Variants in TSHZ2 observed in about 807,000 individuals in gnomAD.
TSHZ2 encodes teashirt homolog 2.
TSHZ2 carries 21 observed loss-of-function variants against 74.4 expected under a neutral mutation model. The ratio of observed to expected loss-of-function variants is 0.28; its 90% confidence interval spans 0.20 to 0.41. TSHZ2 has a LOEUF of 0.41. TSHZ2 is among the 10% of genes least tolerant of loss of function. The pLI, the probability that TSHZ2 is intolerant of heterozygous loss-of-function variation, is 1.00. For synonymous variants in TSHZ2, 540 were observed against 515.3 expected (o/e 1.05, Z -0.65); for missense variants, 1,244 against 1,293.5 (o/e 0.96, Z 0.59).
At chr20:52,998,681 G>A (rs148514492) in intron 1 of TSHZ2, among the ~76,000 whole-genome samples, 3 of 152,166 alleles carry the variant, frequency 2.0e-5, no homozygotes, top group Non-Finnish European at 2.9e-5. Context: ...TCTGTCTATC[G>A]CCTCTGCACA....
At chr20:53,252,828 T>G (rs1990361219) in intron 1 of TSHZ2, among the ~76,000 whole-genome samples, 1 of 152,218 alleles carries the variant, frequency 6.6e-6, no homozygotes. Flanking sequence ...CATTTGCGAT[T>G]ATTTTCAAGT....
chr20:53,075,129 C>T (rs1423156179), intron 1 of TSHZ2, among the ~76,000 whole-genome samples: 1 of 152,188 alleles, frequency 6.6e-6, no homozygotes, highest in Non-Finnish European at 1.5e-5. Context: ...ATTTCTATCC[C>T]AACGATAGAT....
intron 1 of TSHZ2, among the ~76,000 whole-genome samples, chr20:53,161,631 T>A (rs1410192075): frequency 6.6e-6 from 1 of 152,170 alleles, no homozygotes; most frequent in African/African-American, 2.4e-5. Flanking sequence ...AAAGAGGAAC[T>A]GCCAAACACT....
chr20:53,137,503 C>T (rs913876920), intron 1 of TSHZ2, among the ~76,000 whole-genome samples: 67 of 152,058 alleles, frequency 4.4e-4, no homozygotes, highest in African/African-American at 1.6e-3. Context: ...ACTGCCCCTC[C>T]ATTAAGGAGC....
At chr20:52,987,150 CTT>C (rs1981799700) in intron 1 of TSHZ2, among the ~76,000 whole-genome samples, 1 of 152,190 alleles carries the variant, frequency 6.6e-6, no homozygotes, top group African/African-American at 2.4e-5. Flanking sequence ...TCAGGAAAGT[CTT>C]TACTCACCCC....
At chr20:53,228,833 G>A (rs1329818948) in intron 1 of TSHZ2, among the ~76,000 whole-genome samples, 2 of 152,158 alleles carry the variant, frequency 1.3e-5, no homozygotes, top group Admixed American at 6.5e-5. Flanking sequence ...CAGTTGGGGG[G>A]AAAAATGCCC....
At chr20:53,335,514 A>G (rs1979910158) in intron 2 of TSHZ2, among the ~76,000 whole-genome samples, 2 of 152,190 alleles carry the variant, frequency 1.3e-5, no homozygotes, top group African/African-American at 4.8e-5. Context: ...TGGATGAGAG[A>G]GGTAGAAAAC....
chr20:53,299,881 C>T (rs1991448551), intron 2 of TSHZ2, among the ~76,000 whole-genome samples: 1 of 152,162 alleles, frequency 6.6e-6, no homozygotes, highest in Non-Finnish European at 1.5e-5. Flanking sequence ...CATATTCCCC[C>T]ACATGATAGC....
chr20:52,983,638 G>A (rs907845329), intron 1 of TSHZ2, among the ~76,000 whole-genome samples: 5 of 152,220 alleles, frequency 3.3e-5, no homozygotes, highest in Non-Finnish European at 5.9e-5. Context: ...TGTTTCAAAT[G>A]AGAAAATATT....
intron 1 of TSHZ2, among the ~76,000 whole-genome samples, chr20:53,235,143 G>C: frequency 7.5e-6 from 1 of 134,228 alleles, no homozygotes; most frequent in South Asian, 2.8e-4. Flanking sequence ...GGGGCGGGGG[G>C]GGGGGAATGG....
intron 1 of TSHZ2, among the ~76,000 whole-genome samples, chr20:53,059,025 G>C (rs1984734129): frequency 6.6e-6 from 1 of 152,194 alleles, no homozygotes; most frequent in Non-Finnish European, 1.5e-5. Flanking sequence ...CTCATTGAGT[G>C]TATTTTCAGA....
At chr20:53,053,449 G>A (rs1984541713) in intron 1 of TSHZ2, among the ~76,000 whole-genome samples, 1 of 152,134 alleles carries the variant, frequency 6.6e-6, no homozygotes, top group African/African-American at 2.4e-5. Flanking sequence ...TGAAAAGGTA[G>A]CCAAGAGAAC....
chr20:53,224,666 AT>A (rs1478749554), intron 1 of TSHZ2, among the ~76,000 whole-genome samples: 1 of 152,074 alleles, frequency 6.6e-6, no homozygotes, highest in Non-Finnish European at 1.5e-5. Context: ...CCTGGACAAC[AT>A]GGTGAAACCC....
At chr20:53,120,557 T>A (rs754156321) in intron 1 of TSHZ2, among the ~76,000 whole-genome samples, 1 of 152,198 alleles carries the variant, frequency 6.6e-6, no homozygotes, top group Non-Finnish European at 1.5e-5. Flanking sequence ...TAACTAAATT[T>A]GAAAAATTGC....
intron 2 of TSHZ2, among the ~76,000 whole-genome samples, chr20:53,438,902 G>A (rs1210646984): frequency 6.6e-6 from 1 of 152,162 alleles, no homozygotes; most frequent in Non-Finnish European, 1.5e-5. Flanking sequence ...GGAGGTTGCG[G>A]TGAGCTGAGA....
intron 2 of TSHZ2, among the ~76,000 whole-genome samples, chr20:53,402,757 G>A (rs55975062): frequency 0.079 from 12,086 of 152,090 alleles, 1,568 homozygotes; most frequent in African/African-American, 0.28. Flanking sequence ...CAGAGTCCCC[G>A]GGGCACAAAC....
chr20:53,201,130 A>G (rs1988994549), intron 1 of TSHZ2, among the ~76,000 whole-genome samples: 1 of 152,226 alleles, frequency 6.6e-6, no homozygotes, highest in Admixed American at 6.5e-5. Flanking sequence ...ATGGGAAATT[A>G]TCAAAGAGTT....
chr20:53,470,764 G>A (rs997749699), intron 2 of TSHZ2, among the ~76,000 whole-genome samples: 27 of 152,068 alleles, frequency 1.8e-4, no homozygotes, highest in Non-Finnish European at 2.9e-5. Context: ...AGTGAGCGGA[G>A]ATTGCGCCAC....
intron 1 of TSHZ2, among the ~76,000 whole-genome samples, chr20:53,042,842 G>C (rs1368376812): frequency 1.3e-5 from 2 of 152,150 alleles, no homozygotes; most frequent in Non-Finnish European, 2.9e-5. Flanking sequence ...AATTCCACTA[G>C]AAATGCTGGC....
Sources: gnomAD v4.1 joint callset for allele counts (sites outside exome capture counted in the v4.1 genomes callset) on GRCh38, gnomAD v4.1.1 for gene constraint, MANE v1.5 for transcripts, NCBI Gene and HGNC (gene_info 2026-07-23, HGNC 2026-07-21) for gene names.